GALNT13: variants seen among roughly 807,000 people sequenced by gnomAD.
GALNT13 encodes polypeptide N-acetylgalactosaminyltransferase 13.
GALNT13 carries 28 observed loss-of-function variants against 64.2 expected under a neutral mutation model. The observed-to-expected ratio is 0.44, with a 90% CI of 0.32 to 0.60. GALNT13 has a LOEUF of 0.60. Among genes scored for constraint, GALNT13 ranks in the 20% least tolerant of loss-of-function variants. GALNT13 has a pLI of 0.05. For missense variants in GALNT13, 577 were observed against 669.8 expected, an observed-to-expected ratio of 0.86 and a Z score of 1.53; for synonymous variants, 214 against 224.6, an observed-to-expected ratio of 0.95 and a Z score of 0.42.
intron 4 of GALNT13, among the ~76,000 whole-genome samples, chr2:154,201,569 A>T (rs1687173190): frequency 2.0e-5 from 3 of 152,154 alleles, no homozygotes. Context: ...ACAGGTTTAG[A>T]CAATTTTGCA....
At chr2:153,523,798 T>G in the GALNT13 span, among the ~76,000 whole-genome samples, 2 of 152,288 alleles carry the variant, frequency 1.3e-5, no homozygotes, top group South Asian at 4.1e-4. Context: ...TGTTTTACTC[T>G]TTTTTCTTCT....
chr2:153,882,366 A>G (rs939813835), intron 1 of GALNT13, among the ~76,000 whole-genome samples: 1 of 151,698 alleles, frequency 6.6e-6, no homozygotes, highest in Non-Finnish European at 1.5e-5. Flanking sequence ...TGTATTCACA[A>G]CTCTATTTTC....
intron 3 of GALNT13, among the ~76,000 whole-genome samples, chr2:154,128,321 G>C (rs563491620): frequency 6.6e-6 from 1 of 151,974 alleles, no homozygotes; most frequent in South Asian, 2.1e-4. Context: ...CTTGAAAAAG[G>C]ATCAGGAATA....
chr2:154,146,098 C>A (rs955203244), intron 4 of GALNT13, among the ~76,000 whole-genome samples: 9 of 150,736 alleles, frequency 6.0e-5, no homozygotes, highest in Admixed American at 6.6e-5. Flanking sequence ...TGTTAGAATG[C>A]CTGTATGTTT....
chr2:153,303,947 A>G, the GALNT13 span, among the ~76,000 whole-genome samples: 2 of 151,986 alleles, frequency 1.3e-5, no homozygotes, highest in African/African-American at 4.8e-5. Context: ...CGGTGAGTAC[A>G]ATGCCAGCAG....
At chr2:153,846,688 A>G in the GALNT13 span, among the ~76,000 whole-genome samples, 1 of 152,262 alleles carries the variant, frequency 6.6e-6, no homozygotes, top group South Asian at 2.1e-4. Flanking sequence ...TGAACTTGAC[A>G]TATGTTACAA....
chr2:153,316,135 A>C, the GALNT13 span, among the ~76,000 whole-genome samples: 11 of 152,096 alleles, frequency 7.2e-5, no homozygotes, highest in Non-Finnish European at 1.2e-4. Context: ...AAGAAAGAAA[A>C]AAGAAAACAA....
chr2:153,752,882 G>T, the GALNT13 span, among the ~76,000 whole-genome samples: 1 of 151,974 alleles, frequency 6.6e-6, no homozygotes, highest in African/African-American at 2.4e-5. Flanking sequence ...ATAACTCTTA[G>T]ATTTGCCTTT....
chr2:153,667,383 C>A, the GALNT13 span, among the ~76,000 whole-genome samples: 2 of 152,156 alleles, frequency 1.3e-5, no homozygotes, highest in African/African-American at 4.8e-5. Context: ...AGAAAAGTGG[C>A]TGGTCACCTA....
chr2:153,508,435 A>T, the GALNT13 span, among the ~76,000 whole-genome samples: 1 of 152,050 alleles, frequency 6.6e-6, no homozygotes, highest in Admixed American at 6.5e-5. Context: ...CGGTGGAGTT[A>T]TGTTCCCACG....
intron 8 of GALNT13, among the ~76,000 whole-genome samples, chr2:154,287,669 C>T (rs1010821508): frequency 5.9e-5 from 9 of 151,998 alleles, no homozygotes; most frequent in Non-Finnish European, 8.8e-5. Context: ...TCCGTTTTAA[C>T]GTTCAGTTTG....
At chr2:153,160,828 G>A in the GALNT13 span, among the ~76,000 whole-genome samples, 1 of 152,122 alleles carries the variant, frequency 6.6e-6, no homozygotes, top group Non-Finnish European at 1.5e-5. Context: ...GGGAATGATA[G>A]GAGCCAAATT....
chr2:154,196,659 C>T (rs1296462876), intron 4 of GALNT13, among the ~76,000 whole-genome samples: 1 of 152,206 alleles, frequency 6.6e-6, no homozygotes. Context: ...TACTACCGGT[C>T]ACTGTTAAGT....
chr2:154,210,689 T>A (rs1687708766), intron 4 of GALNT13, among the ~76,000 whole-genome samples: 1 of 152,290 alleles, frequency 6.6e-6, no homozygotes, highest in Non-Finnish European at 1.5e-5. Flanking sequence ...CATAATTTAA[T>A]TTTTAAAATA....
chr2:153,369,188 T>A, the GALNT13 span, among the ~76,000 whole-genome samples: 7 of 152,076 alleles, frequency 4.6e-5, no homozygotes, highest in African/African-American at 1.7e-4. Flanking sequence ...AAAAAACAAG[T>A]ATGGAATTAA....
At chr2:153,625,731 T>C in the GALNT13 span, among the ~76,000 whole-genome samples, 2 of 151,998 alleles carry the variant, frequency 1.3e-5, no homozygotes, top group Non-Finnish European at 2.9e-5. Context: ...ATCTCAGTCT[T>C]CTTTTTTTTT....
At chr2:153,590,706 A>T in the GALNT13 span, among the ~76,000 whole-genome samples, 1 of 152,180 alleles carries the variant, frequency 6.6e-6, no homozygotes, top group Admixed American at 6.5e-5. Flanking sequence ...CATCAACAGA[A>T]TGAAGGACAA....
the GALNT13 span, among the ~76,000 whole-genome samples, chr2:153,188,548 A>C: frequency 6.6e-6 from 1 of 152,164 alleles, no homozygotes; most frequent in Non-Finnish European, 1.5e-5. Context: ...TTCAGTAACA[A>C]CTACCCAATC....
At position 154,018,080 on chromosome 2, in the gene GALNT13, A is replaced by G. The variant is rs570253303; in HGVS notation, c.142+73441A>G. ...GAATGAAGTAAGCTTGTCAGGTGTGATTCCTAGCTCTTTTTATATTTAGGA... is the reference window on the plus strand; with the variant it reads ...GAATGAAGTAAGCTTGTCAGGTGTGGTTCCTAGCTCTTTTTATATTTAGGA... On this transcript the variant is annotated intron_variant, in intron 3 of 12. Transcript: ENST00000392825. 2.0e-5 allele frequency among the ~76,000 whole-genome samples: 3 copies of G among 152,296 alleles called. No homozygotes were observed. In the South Asian group the frequency reaches 6.2e-4, roughly 32 times the overall value.
Sources: allele counts gnomAD v4.1 joint callset (sites outside exome capture counted in the v4.1 genomes callset), GRCh38; gene constraint gnomAD v4.1.1; transcripts MANE v1.5; gene names NCBI Gene and HGNC (gene_info 2026-07-23, HGNC 2026-07-21).